RFPL1: variants seen among roughly 807,000 people sequenced by gnomAD.
RFPL1 encodes the protein ret finger protein like 1.
A neutral mutation model predicts 9.6 loss-of-function variants in RFPL1; 6 were observed. The ratio of observed to expected loss-of-function variants is 0.62; its 90% CI spans 0.34 to 1.23. The LOEUF (loss-of-function observed/expected upper bound fraction) is 1.23, where lower values mean the gene tolerates loss of function less well. Among genes scored for constraint, RFPL1 ranks in the 50% most tolerant of loss-of-function variants. The probability of loss-of-function intolerance (pLI) is 0.03; values close to 1 mark genes in which losing one functional copy is unlikely to be tolerated. For missense variants in RFPL1, 352 were observed against 398.4 expected (o/e 0.88, Z 0.99); for synonymous variants, 145 against 149.4 (o/e 0.97, Z 0.22).
At chr22:29,406,055 G>A in the RFPL1 span, among the ~76,000 whole-genome samples, 2 of 135,472 alleles carry the variant, frequency 1.5e-5, no homozygotes, top group Non-Finnish European at 3.1e-5. Flanking sequence ...CTTGCAGTGA[G>A]CCGAGATTGC....
At chr22:29,411,234 G>A in the RFPL1 span, among the ~76,000 whole-genome samples, 1 of 152,280 alleles carries the variant, frequency 6.6e-6, no homozygotes, top group South Asian at 2.1e-4. Flanking sequence ...TAGTAAGGGG[G>A]TTGGGAGTGA....
chr22:29,438,894 C>T lies in RFPL1; in HGVS notation c.103C>T (p.Gln35Ter), dbSNP rs1463174326. Reference sequence around the variant, plus strand: ...GGCAGTGGACATGGCTGCACTCTTCCAAGAAGCAAGCAGCTGTCCCGTCTG... The same window carrying T: ...GGCAGTGGACATGGCTGCACTCTTCTAAGAAGCAAGCAGCTGTCCCGTCTG... Residue 35 changes from glutamine to a stop codon, truncating the protein, a stop_gained, in exon 1 of 2, where the codon CAA becomes TAA. Coordinates refer to ENST00000354373, the Ensembl canonical transcript of RFPL1. LOFTEE classifies it high-confidence loss of function. The T allele has an allele frequency of 6.2e-7, 1 of 1,614,004 alleles. No individual in the cohort carries two copies. The highest frequency in any genetic ancestry group is 8.5e-7 in the Non-Finnish European group (1 of 1,179,872).
At chr22:29,398,741 T>C in the RFPL1 span, among the ~76,000 whole-genome samples, 1 of 152,234 alleles carries the variant, frequency 6.6e-6, no homozygotes, top group African/African-American at 2.4e-5. Context: ...TGGTTTTTCT[T>C]TTAGTCTCCC....
the RFPL1 span, among the ~76,000 whole-genome samples, chr22:29,426,247 C>T: frequency 4.6e-5 from 7 of 151,056 alleles, no homozygotes; most frequent in South Asian, 2.1e-4. Context: ...CGCTTGAATC[C>T]GGGAGATGAG....
At chr22:29,388,015 GT>G in the RFPL1 span, among the ~76,000 whole-genome samples, 5 of 151,756 alleles carry the variant, frequency 3.3e-5, no homozygotes, top group South Asian at 2.1e-4. Flanking sequence ...CCGTTTTCTA[GT>G]TTTTTTTTCT....
the RFPL1 span, among the ~76,000 whole-genome samples, chr22:29,403,636 G>A: frequency 1.3e-5 from 2 of 152,138 alleles, no homozygotes; most frequent in Non-Finnish European, 2.9e-5. Context: ...CTAAAAGTAG[G>A]TAATAAAGTG....
the RFPL1 span, among the ~76,000 whole-genome samples, chr22:29,428,817 A>C: frequency 6.6e-6 from 1 of 152,208 alleles, no homozygotes; most frequent in Admixed American, 6.5e-5. Context: ...ATAATATACC[A>C]AAATCTATGG....
At chr22:29,398,189 A>G in the RFPL1 span, among the ~76,000 whole-genome samples, 1 of 152,212 alleles carries the variant, frequency 6.6e-6, no homozygotes, top group African/African-American at 2.4e-5. Flanking sequence ...CCTCAGCCTC[A>G]TGAAGATCTC....
chr22:29,401,778 G>A, the RFPL1 span, among the ~76,000 whole-genome samples: 1 of 152,200 alleles, frequency 6.6e-6, no homozygotes, highest in Non-Finnish European at 1.5e-5. Context: ...TCACCCCTGT[G>A]TGGTTCAGTG....
chr22:29,431,005 G>A, the RFPL1 span, among the ~76,000 whole-genome samples: 1 of 152,082 alleles, frequency 6.6e-6, no homozygotes, highest in Admixed American at 6.6e-5. Context: ...TAAAATTACG[G>A]CATGATTAAA....
At chr22:29,412,288 T>C in the RFPL1 span, among the ~76,000 whole-genome samples, 1 of 152,136 alleles carries the variant, frequency 6.6e-6, no homozygotes, top group Non-Finnish European at 1.5e-5. Flanking sequence ...GGAAGTCACC[T>C]GGGGAATGGT....
the RFPL1 span, among the ~76,000 whole-genome samples, chr22:29,408,142 A>G: frequency 6.6e-6 from 1 of 152,198 alleles, no homozygotes; most frequent in South Asian, 2.1e-4. Flanking sequence ...GGATATGTAG[A>G]TCCACAGAAG....
chr22:29,409,050 T>C, the RFPL1 span, among the ~76,000 whole-genome samples: 3 of 152,110 alleles, frequency 2.0e-5, no homozygotes, highest in South Asian at 2.1e-4. Flanking sequence ...AAGCCCAGCG[T>C]CAAGTCTGTA....
chr22:29,414,373 T>C, the RFPL1 span, among the ~76,000 whole-genome samples: 1 of 152,256 alleles, frequency 6.6e-6, no homozygotes, highest in Non-Finnish European at 1.5e-5. Context: ...TTACTTTTGT[T>C]GAAAACCTTG....
At chr22:29,424,724 G>A in the RFPL1 span, among the ~76,000 whole-genome samples, 4 of 151,306 alleles carry the variant, frequency 2.6e-5, no homozygotes, top group Non-Finnish European at 5.9e-5. Context: ...CCATCTACTC[G>A]GGAGGCTGAA....
the RFPL1 span, among the ~76,000 whole-genome samples, chr22:29,420,681 C>T: frequency 7.0e-6 from 1 of 142,320 alleles, no homozygotes; most frequent in Non-Finnish European, 1.5e-5. Flanking sequence ...CACTCTGTCT[C>T]CCGGGCTGGA....
the RFPL1 span, among the ~76,000 whole-genome samples, chr22:29,423,394 T>C: frequency 4.0e-4 from 61 of 150,956 alleles, no homozygotes; most frequent in African/African-American, 1.4e-3. Context: ...TTTTTTTTTT[T>C]CTTCAGAGAT....
the RFPL1 span, among the ~76,000 whole-genome samples, chr22:29,405,937 G>A: frequency 6.7e-6 from 1 of 150,224 alleles, no homozygotes; most frequent in East Asian, 2.0e-4. Context: ...GTGAAACCCC[G>A]TCTCTACTAA....
chr22:29,399,108 C>T, the RFPL1 span, among the ~76,000 whole-genome samples: 1 of 152,126 alleles, frequency 6.6e-6, no homozygotes, highest in Non-Finnish European at 1.5e-5. Flanking sequence ...TCAGACTCAC[C>T]AATAAATAAG....
Sources: allele counts gnomAD v4.1 joint callset (sites outside exome capture counted in the v4.1 genomes callset), GRCh38; gene constraint gnomAD v4.1.1; transcripts MANE v1.5; gene names NCBI Gene and HGNC (gene_info 2026-07-23, HGNC 2026-07-21).